The following EPS15L1 variants were observed in gnomAD, a reference collection of about 807,000 sequenced individuals.
EPS15L1 encodes epidermal growth factor receptor pathway substrate 15 like 1, also known as epidermal growth factor receptor substrate 15-like 1.
A neutral mutation model predicts 117.1 loss-of-function variants in EPS15L1; 43 were observed. The ratio of observed to expected loss-of-function variants is 0.37; its 90% CI spans 0.29 to 0.47. The LOEUF is 0.47. EPS15L1 is among the 20% of genes least tolerant of loss of function. The pLI, the probability that EPS15L1 is intolerant of heterozygous loss-of-function variation, is 0.99. For missense variants in EPS15L1, 981 were observed against 1,164.0 expected (o/e 0.84, Z 2.29); for synonymous variants, 459 against 470.5 (o/e 0.98, Z 0.32).
intron 1 of EPS15L1, among the ~76,000 whole-genome samples, chr19:16,451,538 A>AT (rs1183283963): frequency 3.3e-5 from 5 of 149,456 alleles, no homozygotes; most frequent in Admixed American, 6.7e-5. Context: ...TATTTTTTTT[A>AT]TTTTTTTTGA....
intron 1 of EPS15L1, among the ~76,000 whole-genome samples, chr19:16,462,204 G>A (rs894319496): frequency 2.6e-5 from 4 of 152,154 alleles, no homozygotes; most frequent in African/African-American, 4.8e-5. Flanking sequence ...ACCATTGTTG[G>A]TCCCACAACA....
intron 1 of EPS15L1, among the ~76,000 whole-genome samples, chr19:16,452,447 GAA>G (rs571611674): frequency 8.4e-6 from 1 of 119,748 alleles, no homozygotes. Context: ...ATTCCATCTC[GAA>G]AAAAAAAAAA....
At chr19:16,389,005 T>C (rs1236999059) in intron 19 of EPS15L1, among the ~76,000 whole-genome samples, 1 of 151,926 alleles carries the variant, frequency 6.6e-6, no homozygotes, top group Non-Finnish European at 1.5e-5. Context: ...TTCTATCACT[T>C]TGGGAGGACG....
At chr19:16,361,424 T>A (rs571246625) in intron 23 of EPS15L1, among the ~76,000 whole-genome samples, 13 of 152,250 alleles carry the variant, frequency 8.5e-5, no homozygotes, top group African/African-American at 2.9e-4. Flanking sequence ...CTTCTTTTCA[T>A]ACTTCGGAAG....
Position 16,386,027 on chromosome 19 carries a change from G to A in EPS15L1, c.2164+144C>T. On this transcript the variant is annotated intron_variant, in intron 20 of 23. Coordinates refer to ENST00000455140, the MANE Select transcript of EPS15L1 (RefSeq NM_001258374.3). The stretch of plus-strand genomic sequence containing the variant: ...AGCGGGTGCTTGTTTTGGCCTAATG[G>A]GCTCAGGCCAGGATCTGGGTGCCAC... 6 of 652,920 alleles carry A rather than the reference G, an allele frequency of 9.2e-6. No homozygotes were observed. In the South Asian group the frequency reaches 1.1e-4, roughly 12 times the overall value. 40.4% of individuals were successfully genotyped at this position (652,920 alleles called of 1,614,324 possible). A position where few individuals can be genotyped will look rare whatever the true frequency, so the allele number is the denominator to read the frequency against.
chr19:16,417,060 C>T (rs930978317), intron 12 of EPS15L1, among the ~76,000 whole-genome samples: 1 of 152,240 alleles, frequency 6.6e-6, no homozygotes, highest in Non-Finnish European at 1.5e-5. Flanking sequence ...GATAACAAGG[C>T]CTTCCTAGCA....
At chr19:16,467,840 G>A (rs1466507005) in intron 1 of EPS15L1, among the ~76,000 whole-genome samples, 3 of 152,210 alleles carry the variant, frequency 2.0e-5, no homozygotes, top group African/African-American at 7.2e-5. Flanking sequence ...GGACGCAGGT[G>A]TGACCTCAGC....
chr19:16,369,720 T>C (rs961329910), intron 22 of EPS15L1, among the ~76,000 whole-genome samples: 1 of 149,100 alleles, frequency 6.7e-6, no homozygotes, highest in Non-Finnish European at 1.5e-5. Context: ...GGGTGGGGTA[T>C]GTGATTTGGA....
chr19:16,391,645 G>C lies in EPS15L1; in HGVS notation c.2103+659C>G, dbSNP rs1417637242. ...TGCTTTTTTTTTTTTTTTTGGTTTT[G>C]AAATCCAAGTTGACACCTATTTAAC... On this transcript the variant is annotated intron_variant, in intron 19 of 23. Coordinates refer to ENST00000455140, the MANE Select transcript of EPS15L1 (RefSeq NM_001258374.3). 2.3e-5 allele frequency among the ~76,000 whole-genome samples: 3 copies of C among 128,490 alleles called. No homozygotes were observed. The Admixed American group carries it at 2.4e-4, about 10-fold the overall frequency. The allele number at this position is 128,490 out of a possible 152,430, so 84.3% of individuals were successfully genotyped here. A position where few individuals can be genotyped will look rare whatever the true frequency, so the allele number is the denominator to read the frequency against.
intron 9 of EPS15L1, among the ~76,000 whole-genome samples, chr19:16,423,749 T>C (rs780466506): frequency 1.8e-4 from 28 of 152,282 alleles, no homozygotes; most frequent in Admixed American, 3.3e-4. Flanking sequence ...CTTGCTGCCT[T>C]TTAAGTCACG....
chr19:16,385,246 T>C (rs751391250), intron 20 of EPS15L1, 35 bp from the exon 21 acceptor site: 13 of 1,574,474 alleles, frequency 8.3e-6, no homozygotes, highest in Non-Finnish European at 8.7e-6. Flanking sequence ...GAGTTACAGG[T>C]CTTTAAGAGA....
intron 9 of EPS15L1, among the ~76,000 whole-genome samples, chr19:16,424,751 C>T (rs1257899470): frequency 6.6e-6 from 1 of 152,068 alleles, no homozygotes; most frequent in African/African-American, 2.4e-5. Context: ...ACCTCCGTCT[C>T]CCAGGTTCAA....
rs544775996 is a variant in EPS15L1, at chr19:16,413,596, T to G, written c.1266+177A>C. Reference sequence around the variant, plus strand: ...ACATAGGGTTTTTATACAAGAAAAATAAAGTGAATTCAGCCTGAAAAAAAA... The same window carrying G: ...ACATAGGGTTTTTATACAAGAAAAAGAAAGTGAATTCAGCCTGAAAAAAAA... On this transcript the variant is annotated intron_variant, in intron 13 of 23. Transcript: ENST00000455140. 8.8e-4 allele frequency: 648 copies of G among 735,718 alleles called. 2 individuals are homozygous for G. The highest frequency in any genetic ancestry group is 4.2e-3 in the Middle Eastern group (11 of 2,594). 45.6% of individuals were successfully genotyped at this position (735,718 alleles called of 1,614,324 possible). A position where few individuals can be genotyped will look rare whatever the true frequency, so the allele number is the denominator to read the frequency against.
intron 1 of EPS15L1, among the ~76,000 whole-genome samples, chr19:16,446,746 TG>T (rs1011815183): frequency 3.0e-4 from 46 of 152,276 alleles, no homozygotes; most frequent in African/African-American, 1.0e-3. Context: ...TATGCTGGCC[TG>T]GGAAAATGCA....
At chr19:16,450,447 G>C (rs1005557205) in intron 1 of EPS15L1, among the ~76,000 whole-genome samples, 1 of 151,548 alleles carries the variant, frequency 6.6e-6, no homozygotes, top group African/African-American at 2.4e-5. Flanking sequence ...GGGCTGGACG[G>C]AGGCCGTGAG....
At chr19:16,423,166 G>A (rs2092834683) in intron 9 of EPS15L1, among the ~76,000 whole-genome samples, 2 of 152,124 alleles carry the variant, frequency 1.3e-5, no homozygotes, top group South Asian at 4.1e-4. Context: ...AGCAAGCTTG[G>A]GAAACAAGGG....
chr19:16,464,257 G>T (rs1176497418), intron 1 of EPS15L1, among the ~76,000 whole-genome samples: 1 of 152,224 alleles, frequency 6.6e-6, no homozygotes, highest in African/African-American at 2.4e-5. Context: ...ATCAAGAGCT[G>T]GGACTCCTAT....
chr19:16,413,289 C>A lies in EPS15L1; in HGVS notation c.1266+484G>T, dbSNP rs1344589787. 1.1e-5 allele frequency: 7 copies of A among 660,260 alleles called. No individual in the cohort carries two copies. In the Admixed American group the frequency reaches 1.5e-4, roughly 14 times the overall value. The allele number at this position is 660,260 out of a possible 1,614,324, so 40.9% of individuals were successfully genotyped here. Reference sequence around the variant, plus strand: ...TGTGCTGGTGTAACTCATCCCCACGCCCAGGGGCACTGGCATTGTCTCAGC... The same window carrying A: ...TGTGCTGGTGTAACTCATCCCCACGACCAGGGGCACTGGCATTGTCTCAGC... On this transcript the variant is annotated intron_variant, in intron 13 of 23. Coordinates refer to ENST00000455140, the MANE Select transcript of EPS15L1 (RefSeq NM_001258374.3).
intron 22 of EPS15L1, among the ~76,000 whole-genome samples, chr19:16,375,745 C>G (rs1019352869): frequency 3.9e-5 from 6 of 152,252 alleles, no homozygotes; most frequent in African/African-American, 1.4e-4. Context: ...TAAATCCACA[C>G]AGCCCATACT....
Sources: allele counts gnomAD v4.1 joint callset (sites outside exome capture counted in the v4.1 genomes callset), GRCh38; gene constraint gnomAD v4.1.1; transcripts MANE v1.5; gene names NCBI Gene and HGNC (gene_info 2026-07-23, HGNC 2026-07-21).